The following HSD17B4 variants were observed in gnomAD, a reference collection of about 807,000 sequenced individuals.
HSD17B4 encodes peroxisomal multifunctional enzyme type 2.
Under a neutral mutation model 101.0 loss-of-function variants are expected in HSD17B4, and 70 were observed. That is an observed-to-expected ratio of 0.69 (90% CI 0.57 to 0.85). The LOEUF is 0.85. Among genes scored for constraint, HSD17B4 ranks in the 40% least tolerant of loss-of-function variants. The pLI is 0.00. For synonymous variants in HSD17B4, 347 were observed against 297.1 expected (o/e 1.17, Z -1.73); for missense variants, 984 against 892.4 (o/e 1.10, Z -1.31).
At chr5:119,524,110 C>A (rs547349674) in intron 17 of HSD17B4, among the ~76,000 whole-genome samples, 1 of 151,954 alleles carries the variant, frequency 6.6e-6, no homozygotes, top group African/African-American at 2.4e-5. Flanking sequence ...CCTTGCAAGT[C>A]ACCAGTATTC....
intron 16 of HSD17B4, among the ~76,000 whole-genome samples, chr5:119,509,886 A>G (rs1005630625): frequency 2.0e-5 from 3 of 152,236 alleles, no homozygotes; most frequent in South Asian, 2.1e-4. Flanking sequence ...AACACAAAAT[A>G]TGTATCAATT....
chr5:119,503,743 G>GTT lies in HSD17B4; in HGVS notation c.1261+1662_1261+1663dup, dbSNP rs140483267. ...CGCAGCAGTACTTTCTTTTCTGTCT[G>GTT]TTTTTTTTTTTTGGTTTTATATAAA... On this transcript the variant is annotated intron_variant, in intron 14 of 23. Coordinates refer to ENST00000510025, the MANE Select transcript of HSD17B4 (RefSeq NM_000414.4). Among the ~76,000 whole-genome samples, 351 of 140,112 alleles carry GTT rather than the reference G, an allele frequency of 2.5e-3. 4 individuals carry two copies. The highest frequency in any genetic ancestry group is 0.017 in the East Asian group (87 of 5,034). 91.9% of individuals were successfully genotyped at this position (140,112 alleles called of 152,430 possible).
chr5:119,524,929 C>G (rs1753438371), intron 17 of HSD17B4, among the ~76,000 whole-genome samples: 1 of 152,056 alleles, frequency 6.6e-6, no homozygotes, highest in Non-Finnish European at 1.5e-5. Flanking sequence ...TGACTGACTT[C>G]TTTTTGTGAA....
At chr5:119,455,497 A>G (rs2126605837) in intron 1 of HSD17B4, among the ~76,000 whole-genome samples, 1 of 151,556 alleles carries the variant, frequency 6.6e-6, no homozygotes, top group East Asian at 1.9e-4. Context: ...AGCCTGGGCG[A>G]CAGAGTGAGA....
Position 119,499,541 on chromosome 5 carries a change from C to A in HSD17B4, c.1197C>A (p.Ile399=). Residue 399 remains isoleucine, a synonymous_variant, in exon 13 of 24, where the codon ATC becomes ATA. Transcript: ENST00000510025. ...GGLAEIPGLS[I]NFAKVLHGEQ... ...TAGCAGAAATTCCTGGACTTTCAAT[C>A]AACTTTGCAAAGGTATGCCTAATAA... The A allele has an allele frequency of 1.2e-6, 2 of 1,605,856 alleles. No homozygotes were observed. The highest frequency in any genetic ancestry group is 1.1e-5 in the South Asian group (1 of 90,868).
intron 2 of HSD17B4, chr5:119,464,568 C>T (rs1755618253): frequency 6.6e-6 from 1 of 151,964 alleles, no homozygotes; most frequent in Non-Finnish European, 1.5e-5. Flanking sequence ...TATGTCACTA[C>T]CATTGCTGTT....
At chr5:119,517,606 G>T (rs1752747122) in intron 17 of HSD17B4, among the ~76,000 whole-genome samples, 1 of 152,222 alleles carries the variant, frequency 6.6e-6, no homozygotes, top group South Asian at 2.1e-4. Flanking sequence ...TTATGTCAGG[G>T]ATTGTAAATA....
intron 18 of HSD17B4, 21 bp downstream of exon 18, chr5:119,525,306 A>T: frequency 7.0e-7 from 1 of 1,435,270 alleles, no homozygotes; most frequent in Non-Finnish European, 9.8e-7. Flanking sequence ...TTTAATATGT[A>T]TCAATGAAAA....
rs1257077894 is a variant in HSD17B4 at position 119,496,539 on chromosome 5, T to A, written c.869-4T>A. 1 of 1,479,392 alleles carries A rather than the reference T, an allele frequency of 6.8e-7. No individual in the cohort carries two copies. The highest frequency in any genetic ancestry group is 1.4e-5 in the African/African-American group (1 of 71,872). 91.6% of individuals were successfully genotyped at this position (1,479,392 alleles called of 1,614,324 possible). ...TTTTTTTTGTTTTTCATTTTTCATT[T>A]TAGAATCAACTGGCAGTATAATTGA... On this transcript the variant is annotated splice_polypyrimidine_tract_variant and splice_region_variant and intron_variant, in intron 11 of 23. Coordinates refer to ENST00000510025, the MANE Select transcript of HSD17B4 (RefSeq NM_000414.4).
chr5:119,453,486 G>A (rs1207482776), intron 1 of HSD17B4, among the ~76,000 whole-genome samples: 1 of 152,204 alleles, frequency 6.6e-6, no homozygotes, highest in Non-Finnish European at 1.5e-5. Flanking sequence ...TTTTACATTA[G>A]TTTCTCACCA....
chr5:119,541,365 G>T (rs989792169), intron 23 of HSD17B4, among the ~76,000 whole-genome samples: 6 of 152,120 alleles, frequency 3.9e-5, no homozygotes. Context: ...CAGAGGCCAC[G>T]TATCTAAGCA....
chr5:119,499,307 C>T lies in HSD17B4; in HGVS notation c.973-10C>T, dbSNP rs201509235. 3.2e-6 allele frequency: 5 copies of T among 1,575,140 alleles called. No homozygotes were observed. Among genetic ancestry groups the T allele is most frequent in the Non-Finnish European group, 4.4e-6 (5 of 1,144,774 alleles). On this transcript the variant is annotated splice_polypyrimidine_tract_variant and intron_variant, in intron 12 of 23. Coordinates refer to ENST00000510025, the MANE Select transcript of HSD17B4 (RefSeq NM_000414.4). ...CAATGAAATAAATTACTTTTTAAAA[C>T]TGTTCTTAGGCTGGAGCTATTGGCC... is the stretch of plus-strand genomic sequence containing the variant.
intron 22 of HSD17B4, among the ~76,000 whole-genome samples, chr5:119,533,291 T>C (rs1323256215): frequency 6.6e-6 from 1 of 150,390 alleles, no homozygotes. Context: ...CAGGATGCCT[T>C]TTTTTTTTTT....
intron 11 of HSD17B4, 104 bp downstream of exon 11, chr5:119,494,050 A>G: frequency 1.8e-6 from 2 of 1,142,142 alleles, no homozygotes; most frequent in Non-Finnish European, 2.6e-6. Context: ...GTGTTAAGAC[A>G]CTTGAATCGT....
At chr5:119,517,428 G>T (rs1752725740) in intron 17 of HSD17B4, among the ~76,000 whole-genome samples, 1 of 152,218 alleles carries the variant, frequency 6.6e-6, no homozygotes, top group Non-Finnish European at 1.5e-5. Context: ...CCTCCCTGAG[G>T]AGTGCCACCC....
At chr5:119,520,369 A>T (rs1371831142) in intron 17 of HSD17B4, among the ~76,000 whole-genome samples, 1 of 152,106 alleles carries the variant, frequency 6.6e-6, no homozygotes, top group Non-Finnish European at 1.5e-5. Flanking sequence ...CATGTGGTGT[A>T]TCATCTTCCA....
At chr5:119,473,840 A>T (rs201082709) in intron 2 of HSD17B4, 68 bp from the exon 3 acceptor site, 4 of 156,188 alleles carry the variant, frequency 2.6e-5, no homozygotes, top group African/African-American at 6.3e-5. Context: ...TTCATTTTCC[A>T]CACACACACA....
At chr5:119,468,049 G>T (rs1755989465) in intron 2 of HSD17B4, among the ~76,000 whole-genome samples, 1 of 152,038 alleles carries the variant, frequency 6.6e-6, no homozygotes, top group Admixed American at 6.6e-5. Context: ...AAATAGGCAA[G>T]AACTTCTGTC....
At chr5:119,526,723 TA>T (rs781050221) in intron 19 of HSD17B4, among the ~76,000 whole-genome samples, 1 of 151,892 alleles carries the variant, frequency 6.6e-6, no homozygotes, top group African/African-American at 2.4e-5. Context: ...GAAAATAATA[TA>T]AAAAATTATG....
Sources: allele counts gnomAD v4.1 joint callset (sites outside exome capture counted in the v4.1 genomes callset), GRCh38; gene constraint gnomAD v4.1.1; transcripts MANE v1.5; gene names NCBI Gene and HGNC (gene_info 2026-07-23, HGNC 2026-07-21).